The following GPR176 variants were observed in gnomAD, a reference collection of about 807,000 sequenced individuals.
GPR176 encodes the protein G-protein coupled receptor 176.
GPR176 carries 26 observed loss-of-function variants against 35.4 expected under a neutral mutation model. The ratio of observed to expected loss-of-function variants is 0.74; its 90% confidence interval spans 0.54 to 1.02. GPR176 has a LOEUF of 1.02. Among genes scored for constraint, GPR176 ranks in the 50% least tolerant of loss-of-function variants. GPR176 has a pLI of 0.00. For missense variants in GPR176, 597 were observed against 665.3 expected (o/e 0.90, Z 1.13); for synonymous variants, 278 against 271.3 (o/e 1.02, Z -0.24).
chr15:39,878,472 T>TTGTGTGTG (rs3066143), intron 1 of GPR176, among the ~76,000 whole-genome samples: 141 of 148,172 alleles, frequency 9.5e-4, no homozygotes, highest in Admixed American at 3.2e-3. Context: ...CAAATAATAT[T>TTGTGTGTG]TGTGTGTGTG....
chr15:39,837,715 A>G (rs1296369990), intron 1 of GPR176, among the ~76,000 whole-genome samples: 2 of 152,020 alleles, frequency 1.3e-5, no homozygotes, highest in African/African-American at 4.8e-5. Flanking sequence ...CTCAACTACA[A>G]CCTTATGAGG....
At chr15:39,906,481 T>A (rs1216577932) in intron 1 of GPR176, among the ~76,000 whole-genome samples, 2 of 152,248 alleles carry the variant, frequency 1.3e-5, no homozygotes, top group Admixed American at 1.3e-4. Context: ...AAGGGTCATG[T>A]CCCCAGGCTG....
rs1184389459 is a variant in GPR176 at position 39,799,905 on chromosome 15, A to C, written c.*1227T>G. ...CAGGGAAGGAGGAAGTGAAGAGCTCATCTGGGTCAGATGTTGCCTTGGCAC... is the reference window on the plus strand; with the variant it reads ...CAGGGAAGGAGGAAGTGAAGAGCTCCTCTGGGTCAGATGTTGCCTTGGCAC... On this transcript the variant is annotated 3_prime_UTR_variant, in exon 3 of 3. Transcript: ENST00000561100. The C allele has an allele frequency of 1.3e-5, 2 of 152,370 alleles. No individual in the cohort carries two copies. Among genetic ancestry groups the C allele is most frequent in the South Asian group, 4.1e-4 (2 of 4,826 alleles). The allele number at this position is 152,370 out of a possible 1,614,324, so 9.4% of individuals were successfully genotyped here.
At chr15:39,879,442 T>C (rs1179893287) in intron 1 of GPR176, among the ~76,000 whole-genome samples, 1 of 152,120 alleles carries the variant, frequency 6.6e-6, no homozygotes, top group Non-Finnish European at 1.5e-5. Context: ...ATCCCAAAGG[T>C]CTATTGAAAT....
chr15:39,847,005 G>C (rs1177026635), intron 1 of GPR176, among the ~76,000 whole-genome samples: 1 of 152,026 alleles, frequency 6.6e-6, no homozygotes, highest in African/African-American at 2.4e-5. Flanking sequence ...TAAAAAACTG[G>C]AAAGAGTAAA....
intron 1 of GPR176, among the ~76,000 whole-genome samples, chr15:39,814,389 C>G (rs1477482213): frequency 1.3e-5 from 2 of 152,092 alleles, no homozygotes; most frequent in African/African-American, 4.8e-5. Flanking sequence ...TCATATCATC[C>G]CCTCTTTTAT....
intron 1 of GPR176, among the ~76,000 whole-genome samples, chr15:39,904,016 C>T (rs1167249459): frequency 6.6e-6 from 1 of 152,202 alleles, no homozygotes; most frequent in Admixed American, 6.5e-5. Flanking sequence ...GTTATTCATG[C>T]CTTCCCTTTT....
chr15:39,908,133 T>C (rs914096273), intron 1 of GPR176, among the ~76,000 whole-genome samples: 1 of 152,246 alleles, frequency 6.6e-6, no homozygotes, highest in African/African-American at 2.4e-5. Context: ...TGCACATCCA[T>C]GAACCTTTGC....
At chr15:39,872,885 T>C (rs184320084) in intron 1 of GPR176, among the ~76,000 whole-genome samples, 1 of 151,236 alleles carries the variant, frequency 6.6e-6, no homozygotes, top group East Asian at 1.9e-4. Flanking sequence ...ACATGAGATT[T>C]TGGTGGGGAC....
At chr15:39,867,721 A>C (rs2031887154) in intron 1 of GPR176, among the ~76,000 whole-genome samples, 1 of 152,174 alleles carries the variant, frequency 6.6e-6, no homozygotes, top group Non-Finnish European at 1.5e-5. Flanking sequence ...TCCTGGAGGC[A>C]TATTTATGAG....
At chr15:39,915,906 T>C (rs1368338944) in intron 1 of GPR176, among the ~76,000 whole-genome samples, 2 of 152,098 alleles carry the variant, frequency 1.3e-5, no homozygotes, top group East Asian at 3.8e-4. Flanking sequence ...AAAAATAAAT[T>C]GCAATGTAGG....
intron 1 of GPR176, among the ~76,000 whole-genome samples, chr15:39,880,243 T>C (rs764870542): frequency 6.6e-6 from 1 of 152,198 alleles, no homozygotes; most frequent in Non-Finnish European, 1.5e-5. Flanking sequence ...TTCCTCTGCA[T>C]CCAGTGGACA....
chr15:39,873,603 T>C (rs139598089), intron 1 of GPR176, among the ~76,000 whole-genome samples: 2 of 147,236 alleles, frequency 1.4e-5, no homozygotes, highest in Non-Finnish European at 3.0e-5. Context: ...TAACCAGCCA[T>C]GGGCTAGTTT....
At chr15:39,889,911 T>A (rs1241778878) in intron 1 of GPR176, among the ~76,000 whole-genome samples, 1 of 152,192 alleles carries the variant, frequency 6.6e-6, no homozygotes, top group African/African-American at 2.4e-5. Flanking sequence ...CTAAGGCACA[T>A]CCCCTCAATT....
chr15:39,813,146 A>C (rs1899679841), intron 1 of GPR176: 1 of 152,176 alleles, frequency 6.6e-6, no homozygotes, highest in Non-Finnish European at 1.5e-5. Flanking sequence ...CTGTAATTCA[A>C]TATATATTGC....
chr15:39,824,125 T>G (rs1387695167), intron 1 of GPR176, among the ~76,000 whole-genome samples: 2 of 152,194 alleles, frequency 1.3e-5, no homozygotes, highest in Non-Finnish European at 2.9e-5. Flanking sequence ...AGCCTGGCAC[T>G]TCCTTCTCTC....
intron 2 of GPR176, among the ~76,000 whole-genome samples, chr15:39,803,326 CTGGAGTATAG>C (rs1048089643): frequency 1.5e-5 from 2 of 133,988 alleles, no homozygotes; most frequent in Admixed American, 8.6e-5. Flanking sequence ...GTCGCCCAGG[CTGGAGTATAG>C]TGGCATGATC....
In GPR176 at chr15:39,801,434, G is replaced by GC. The variant is rs1166535607; in HGVS notation, c.1245dup (p.Pro416AlafsTer28). 1 of 1,614,144 alleles carries GC rather than the reference G, an allele frequency of 6.2e-7. No homozygotes were observed. The highest frequency in any genetic ancestry group is 1.7e-5 in the Admixed American group (1 of 60,034). The stretch of plus-strand genomic sequence containing the variant: ...GGTGGGGCAGAGGGCGCAAACTGTG[G>GC]CCCCTGCTCTCCCTCCAGGCAGGTG... On this transcript the variant is annotated frameshift_variant, in exon 3 of 3. Coordinates refer to ENST00000561100, the MANE Select transcript of GPR176 (RefSeq NM_007223.3). LOFTEE classifies it high-confidence loss of function.
intron 1 of GPR176, among the ~76,000 whole-genome samples, chr15:39,915,437 T>C (rs996642014): frequency 1.3e-5 from 2 of 152,134 alleles, no homozygotes; most frequent in Admixed American, 6.5e-5. Context: ...TAACATGACA[T>C]TGGGGATTAG....
Sources: allele counts gnomAD v4.1 joint callset (sites outside exome capture counted in the v4.1 genomes callset), GRCh38; gene constraint gnomAD v4.1.1; transcripts MANE v1.5; gene names NCBI Gene and HGNC (gene_info 2026-07-23, HGNC 2026-07-21).